Variants in CACNA2D3 observed in about 807,000 individuals in gnomAD.
CACNA2D3 encodes calcium voltage-gated channel auxiliary subunit alpha2delta 3.
A neutral mutation model predicts 160.6 loss-of-function variants in CACNA2D3; 60 were observed. That is an observed-to-expected ratio of 0.37 (90% CI 0.30 to 0.46). The LOEUF (loss-of-function observed/expected upper bound fraction) is 0.46. Among genes scored for constraint, CACNA2D3 ranks in the 20% least tolerant of loss-of-function variants. The pLI, the probability that CACNA2D3 is intolerant of heterozygous loss-of-function variation, is 1.00. For missense variants in CACNA2D3, 1,205 were observed against 1,365.0 expected (o/e 0.88, Z 1.85); for synonymous variants, 558 against 492.9 (o/e 1.13, Z -1.75).
At chr3:54,244,895 A>G (rs570729621) in intron 2 of CACNA2D3, among the ~76,000 whole-genome samples, 2 of 152,248 alleles carry the variant, frequency 1.3e-5, no homozygotes, top group Admixed American at 6.5e-5. Flanking sequence ...CCTCTTGTTC[A>G]TATCCTCTGG....
chr3:54,360,523 G>T (rs918676314), intron 3 of CACNA2D3, among the ~76,000 whole-genome samples: 2 of 152,066 alleles, frequency 1.3e-5, no homozygotes, highest in African/African-American at 4.8e-5. Context: ...CAGGCTGCAG[G>T]GGTATCGAGA....
At chr3:54,515,681 G>C (rs1701538818) in intron 5 of CACNA2D3, among the ~76,000 whole-genome samples, 1 of 152,202 alleles carries the variant, frequency 6.6e-6, no homozygotes, top group South Asian at 2.1e-4. Flanking sequence ...CCTGGGAAAA[G>C]AGAAATGGTT....
chr3:54,141,806 T>A (rs1699941091), intron 2 of CACNA2D3, among the ~76,000 whole-genome samples: 2 of 152,222 alleles, frequency 1.3e-5, no homozygotes, highest in African/African-American at 4.8e-5. Context: ...CAACCTGAAT[T>A]TGATAATTTT....
At chr3:54,217,660 C>T (rs1701485482) in intron 2 of CACNA2D3, among the ~76,000 whole-genome samples, 1 of 152,050 alleles carries the variant, frequency 6.6e-6, no homozygotes, top group Non-Finnish European at 1.5e-5. Context: ...CAAGGAATGC[C>T]AGCAGCCACC....
chr3:54,364,144 A>G (rs1038286281), intron 3 of CACNA2D3, among the ~76,000 whole-genome samples: 2 of 152,178 alleles, frequency 1.3e-5, no homozygotes, highest in African/African-American at 4.8e-5. Context: ...CATTAAACCA[A>G]CCGATGTGTA....
chr3:54,697,495 C>A (rs961751271), intron 11 of CACNA2D3, among the ~76,000 whole-genome samples: 2 of 152,134 alleles, frequency 1.3e-5, no homozygotes, highest in Non-Finnish European at 2.9e-5. Flanking sequence ...CAAGGACAAG[C>A]AGAAATCCCT....
chr3:54,540,269 C>T (rs753207514), intron 5 of CACNA2D3, among the ~76,000 whole-genome samples: 20 of 152,154 alleles, frequency 1.3e-4, no homozygotes, highest in South Asian at 6.2e-4. Flanking sequence ...TGGATAACAG[C>T]GTTTCTCCCC....
intron 3 of CACNA2D3, among the ~76,000 whole-genome samples, chr3:54,367,853 T>C (rs1050296025): frequency 3.3e-5 from 5 of 152,214 alleles, no homozygotes; most frequent in African/African-American, 1.2e-4. Context: ...AAACGTTTTC[T>C]GCCATCCGCA....
intron 27 of CACNA2D3, among the ~76,000 whole-genome samples, chr3:54,936,317 T>C (rs1701327249): frequency 6.6e-6 from 1 of 152,210 alleles, no homozygotes; most frequent in Non-Finnish European, 1.5e-5. Flanking sequence ...AGGAGTATTC[T>C]GCCCGTGGAC....
At chr3:54,934,572 C>T (rs1173218931) in intron 27 of CACNA2D3, among the ~76,000 whole-genome samples, 2 of 152,160 alleles carry the variant, frequency 1.3e-5, no homozygotes, top group African/African-American at 2.4e-5. Context: ...ATGCCTCCAG[C>T]CTCCCTAAAG....
Position 54,888,001 on chromosome 3 carries a change from T to C in CACNA2D3, c.2099T>C (p.Val700Ala), listed in dbSNP as rs899926520. The C allele has an allele frequency of 3.1e-6, 5 of 1,613,838 alleles. No individual in the cohort carries two copies. The Admixed American group carries it at 6.7e-5, about 22-fold the overall frequency. The change falls in exon 24 of 38, where the codon GTG becomes GCG. Residue 700 changes from valine to alanine, a missense_variant. By Grantham distance (64) the Val-to-Ala change is moderately conservative (BLOSUM62 0). Coordinates refer to ENST00000474759, the MANE Select transcript of CACNA2D3 (RefSeq NM_018398.3). Reference protein sequence around the residue: ...LIQEVLFDAVVSAPIEAYWTS... With the variant: ...LIQEVLFDAVASAPIEAYWTS... ...CAAGAAGTCCTTTTTGACGCGGTGG[T>C]GAGTGCCCCCATTGAAGCGTATTGG...
At chr3:54,221,181 T>A (rs1451797754) in intron 2 of CACNA2D3, among the ~76,000 whole-genome samples, 1 of 152,240 alleles carries the variant, frequency 6.6e-6, no homozygotes, top group Non-Finnish European at 1.5e-5. Flanking sequence ...GCAGGCATTT[T>A]GTTGAGTGCT....
chr3:54,760,709 G>A (rs1202923735), intron 12 of CACNA2D3, among the ~76,000 whole-genome samples: 1 of 151,994 alleles, frequency 6.6e-6, no homozygotes, highest in Non-Finnish European at 1.5e-5. Flanking sequence ...TTAGAGATAG[G>A]ACCAGAAGAA....
rs574283614 is a variant in CACNA2D3 at position 54,527,484 on chromosome 3, A to G, written c.544+23830A>G. 4.1e-4 allele frequency among the ~76,000 whole-genome samples: 62 copies of G among 152,274 alleles called. 1 individual carries two copies. The Middle Eastern group carries it at 0.01, about 25-fold the overall frequency. The stretch of plus-strand genomic sequence containing the variant: ...GTACTTAGCTCGGTGGAAGGGGAGT[A>G]GTAGCCTCAAGTCTTCTCAGCTTGC... On this transcript the variant is annotated intron_variant, in intron 5 of 37. Coordinates refer to ENST00000474759, the MANE Select transcript of CACNA2D3 (RefSeq NM_018398.3).
intron 14 of CACNA2D3, among the ~76,000 whole-genome samples, chr3:54,826,279 C>T (rs140563116): frequency 6.6e-5 from 10 of 152,188 alleles, no homozygotes; most frequent in Admixed American, 1.3e-4. Flanking sequence ...GCTCTGGATG[C>T]GCTGCCAGAC....
intron 2 of CACNA2D3, among the ~76,000 whole-genome samples, chr3:54,167,431 C>A (rs572774338): frequency 6.6e-6 from 1 of 152,300 alleles, no homozygotes; most frequent in East Asian, 1.9e-4. Context: ...TTATACCCAT[C>A]TGCCATTTGT....
chr3:54,458,222 C>T (rs1032618506), intron 4 of CACNA2D3, among the ~76,000 whole-genome samples: 1 of 151,912 alleles, frequency 6.6e-6, no homozygotes, highest in African/African-American at 2.4e-5. Context: ...ATGTTTGATT[C>T]TTTTCTCTTA....
intron 11 of CACNA2D3, among the ~76,000 whole-genome samples, chr3:54,735,992 T>TACATATATATATGTATATATATAC (rs1701492858): frequency 3.0e-5 from 3 of 98,768 alleles, no homozygotes; most frequent in African/African-American, 1.3e-4. Context: ...TATATATATA[T>TACATATATATATGTATATATATAC]ACATATATAT....
intron 2 of CACNA2D3, among the ~76,000 whole-genome samples, chr3:54,153,730 C>T (rs1337986932): frequency 6.6e-6 from 1 of 152,122 alleles, no homozygotes; most frequent in Admixed American, 6.5e-5. Context: ...ATGGTTTTTC[C>T]TTATATGGGC....
Sources: gnomAD v4.1 joint callset for allele counts (sites outside exome capture counted in the v4.1 genomes callset) on GRCh38, gnomAD v4.1.1 for gene constraint, MANE v1.5 for transcripts, NCBI Gene and HGNC (gene_info 2026-07-23, HGNC 2026-07-21) for gene names.